ARHGEF10: variants seen among roughly 807,000 people sequenced by gnomAD.
The protein encoded by ARHGEF10 is Rho guanine nucleotide exchange factor (GEF) 10.
ARHGEF10 carries 140 observed loss-of-function variants against 147.4 expected under a neutral mutation model. The observed-to-expected ratio is 0.95, with a 90% CI of 0.83 to 1.09. ARHGEF10 has a LOEUF of 1.09. Among genes scored for constraint, ARHGEF10 ranks in the 50% least tolerant of loss-of-function variants. The pLI is 0.00. For missense variants in ARHGEF10, 2,222 were observed against 1,752.7 expected, an observed-to-expected ratio of 1.27 and a Z score of -4.78; for synonymous variants, 902 against 695.8, an observed-to-expected ratio of 1.30 and a Z score of -4.67.
intron 26 of ARHGEF10, among the ~76,000 whole-genome samples, chr8:1,934,332 TGACA>T (rs1404283259): frequency 8.8e-6 from 1 of 114,094 alleles, no homozygotes; most frequent in Non-Finnish European, 1.7e-5. Flanking sequence ...CCAGCCTGGG[TGACA>T]GAACAAGACC....
In ARHGEF10 at chr8:1,948,550, G is replaced by C. The variant is rs1197280575; in HGVS notation, c.3397+2895G>C. On this transcript the variant is annotated intron_variant, in intron 27 of 28. Transcript: ENST00000349830. This position sits in a 1 kb window ranked among gnomAD's most constrained non-coding sequence, Gnocchi z 4.9. ...CAGCAGGAGAAAGGTACACGGGTTAGAGGCAACCTCGGTGACACCAGAAGT... is the reference window on the plus strand; with the variant it reads ...CAGCAGGAGAAAGGTACACGGGTTACAGGCAACCTCGGTGACACCAGAAGT... Among the ~76,000 whole-genome samples the C allele has an allele frequency of 6.6e-6, 1 of 152,194 alleles. No individual in the cohort carries two copies. Among genetic ancestry groups the C allele is most frequent in the African/African-American group, 2.4e-5 (1 of 41,442 alleles).
At chr8:1,888,491 TAAGAAGTCTGTGGAGATACTGAGTG>T (rs1808996313) in intron 11 of ARHGEF10, among the ~76,000 whole-genome samples, 2 of 92,042 alleles carry the variant, frequency 2.2e-5, no homozygotes, top group African/African-American at 9.9e-5. Flanking sequence ...CTGAGTGGGG[TAAGAAGTCTGTGGAGATACTGAGTG>T]GGGTGAGGGG....
At chr8:1,839,446 G>T (rs1371480240) in intron 1 of ARHGEF10, among the ~76,000 whole-genome samples, 3 of 145,206 alleles carry the variant, frequency 2.1e-5, no homozygotes, top group African/African-American at 5.3e-5. Context: ...GGAGTGTCTG[G>T]TGTGGAAGCT....
At chr8:1,906,558 T>C (rs1281363943) in intron 17 of ARHGEF10, among the ~76,000 whole-genome samples, 4 of 152,174 alleles carry the variant, frequency 2.6e-5, no homozygotes, top group African/African-American at 7.2e-5. Flanking sequence ...CGGCCAGATA[T>C]ATCTGCCTGC....
At chr8:1,841,630 C>T (rs1444297390) in intron 1 of ARHGEF10, among the ~76,000 whole-genome samples, 1 of 151,916 alleles carries the variant, frequency 6.6e-6, no homozygotes, top group Admixed American at 6.6e-5. Flanking sequence ...GGCTCGTCTG[C>T]TCATCTCTCG....
Position 1,896,388 on chromosome 8 carries a change from C to G in ARHGEF10, c.1496C>G (p.Thr499Arg), listed in dbSNP as rs769191923. 11 of 1,614,056 alleles carry G rather than the reference C, an allele frequency of 6.8e-6. No homozygotes were observed. The highest frequency in any genetic ancestry group is 9.3e-6 in the Non-Finnish European group (11 of 1,180,016). Reference protein sequence around the residue: ...AYSEYVNNFSTAVAVLKKTCA... With the variant: ...AYSEYVNNFSRAVAVLKKTCA... The stretch of plus-strand genomic sequence containing the variant: ...AGTGAATATGTGAACAATTTCAGCA[C>G]AGCCGTGGCAGTCCTCAAGAAAACA... Residue 499 changes from threonine to arginine, a missense_variant, in exon 14 of 29, where the codon ACA (threonine) becomes AGA (arginine). Physicochemically the swap from Thr to Arg is moderately conservative, Grantham distance 71. Coordinates refer to ENST00000349830, the MANE Select transcript of ARHGEF10 (RefSeq NM_014629.4).
At chr8:1,947,360 T>G (rs13276575) in intron 27 of ARHGEF10, among the ~76,000 whole-genome samples, 2 of 152,158 alleles carry the variant, frequency 1.3e-5, no homozygotes, top group African/African-American at 4.8e-5. Context: ...TACCCTGGTT[T>G]CAGAGTTCCG....
chr8:1,888,292 G>A (rs1489930819), intron 11 of ARHGEF10, among the ~76,000 whole-genome samples: 1 of 79,164 alleles, frequency 1.3e-5, no homozygotes, highest in African/African-American at 5.1e-5. Context: ...GAGGAGGGGT[G>A]GGGTGAGGGT....
chr8:1,862,601 CAT>C (rs909109680), intron 4 of ARHGEF10, among the ~76,000 whole-genome samples: 3 of 152,174 alleles, frequency 2.0e-5, no homozygotes, highest in African/African-American at 2.4e-5. Context: ...TGAGAGGGCT[CAT>C]GTGTGTGCTC....
chr8:1,857,652 T>TCA (rs1271894287), intron 2 of ARHGEF10, among the ~76,000 whole-genome samples: 1 of 152,086 alleles, frequency 6.6e-6, no homozygotes, highest in African/African-American at 2.4e-5. Flanking sequence ...GCTTCTTACC[T>TCA]TGTGATCTGC....
chr8:1,914,512 C>T (rs972886130), intron 18 of ARHGEF10, among the ~76,000 whole-genome samples: 5 of 152,242 alleles, frequency 3.3e-5, no homozygotes, highest in East Asian at 3.9e-4. Context: ...TACTTCTGGG[C>T]GGCAAGGGTC....
chr8:1,836,013 C>G (rs935590002), intron 1 of ARHGEF10, among the ~76,000 whole-genome samples: 1 of 152,054 alleles, frequency 6.6e-6, no homozygotes, highest in Non-Finnish European at 1.5e-5. Context: ...AACCCCGTCT[C>G]TATTAAAAAT....
intron 2 of ARHGEF10, among the ~76,000 whole-genome samples, chr8:1,855,384 A>T (rs963905259): frequency 6.6e-6 from 1 of 151,146 alleles, no homozygotes; most frequent in Non-Finnish European, 1.5e-5. Flanking sequence ...CAGAACAGAA[A>T]CTTTTTTTGG....
In ARHGEF10 at chr8:1,929,496, CTG is replaced by C. The variant is rs1437747661; in HGVS notation, c.3079+56_3079+57del. On this transcript the variant is annotated intron_variant, in intron 25 of 28. Coordinates refer to ENST00000349830, the MANE Select transcript of ARHGEF10 (RefSeq NM_014629.4). Reference sequence around the variant, plus strand: ...CGGTCCTTGGGGTTCACTCAGGGGACTGTGCATCCGGTTTAGCCTCCCCACCT... The same window carrying C: ...CGGTCCTTGGGGTTCACTCAGGGGACTGCATCCGGTTTAGCCTCCCCACCT... The C allele has an allele frequency of 2.6e-6, 4 of 1,550,172 alleles. No individual in the cohort carries two copies. The African/African-American group carries it at 5.5e-5, about 21-fold the overall frequency.
chr8:1,850,987 A>G (rs1805090598), intron 2 of ARHGEF10, among the ~76,000 whole-genome samples: 2 of 151,750 alleles, frequency 1.3e-5, no homozygotes, highest in Non-Finnish European at 2.9e-5. Context: ...GTGACATTCT[A>G]GAAAACAAAA....
At chr8:1,926,355 G>A (rs117940607) in intron 22 of ARHGEF10, 22 bp from the exon 23 acceptor site, 40,832 of 1,598,096 alleles carry the variant, frequency 0.026, 626 homozygotes, top group South Asian at 0.034. Flanking sequence ...ATATGTGAGC[G>A]TTTGATTTTA....
chr8:1,925,936 T>C (rs903670113), intron 22 of ARHGEF10, among the ~76,000 whole-genome samples: 2 of 152,242 alleles, frequency 1.3e-5, no homozygotes, highest in African/African-American at 4.8e-5. Flanking sequence ...CTTCTCACCC[T>C]GGTCTCTGGC....
chr8:1,827,157 T>G (rs1412328810), intron 1 of ARHGEF10, among the ~76,000 whole-genome samples: 1 of 152,164 alleles, frequency 6.6e-6, no homozygotes, highest in Non-Finnish European at 1.5e-5. Flanking sequence ...CCAGGGAGAA[T>G]GCCCTGCCAC....
Position 1,892,394 on chromosome 8 carries a change from T to C in ARHGEF10, c.1183-1175T>C, listed in dbSNP as rs11774726. ...TTTTTTTAATACATCAGTTTCTTCTTTGGGTATTTTAGAAGGGTTGATTTT... is the reference window on the plus strand; with the variant it reads ...TTTTTTTAATACATCAGTTTCTTCTCTGGGTATTTTAGAAGGGTTGATTTT... On this transcript the variant is annotated intron_variant, in intron 11 of 28. Transcript: ENST00000349830. Among the ~76,000 whole-genome samples, 1,184 of 151,724 alleles carry C rather than the reference T, an allele frequency of 7.8e-3. 8 individuals carry two copies. Among genetic ancestry groups the C allele is most frequent in the South Asian group, 0.021 (101 of 4,806 alleles).
Sources: allele counts gnomAD v4.1 joint callset (sites outside exome capture counted in the v4.1 genomes callset), GRCh38; gene constraint gnomAD v4.1.1; non-coding constraint Gnocchi (gnomAD v3.1); transcripts MANE v1.5; gene names NCBI Gene and HGNC (gene_info 2026-07-23, HGNC 2026-07-21).